Variants in CMTM7 observed in about 807,000 individuals in gnomAD.
The protein encoded by CMTM7 is CKLF-like MARVEL transmembrane domain-containing protein 7.
In CMTM7, 7 loss-of-function variants were observed where a neutral mutation model predicts 19.3. That is an observed-to-expected ratio of 0.36 (90% CI 0.21 to 0.68). The LOEUF (loss-of-function observed/expected upper bound fraction) is 0.68, where lower values mean the gene tolerates loss of function less well. Ranked by LOEUF, CMTM7 falls within the 30% of genes least tolerant of loss-of-function variation. The probability of loss-of-function intolerance (pLI) is 0.60; values close to 1 mark genes in which losing one functional copy is unlikely to be tolerated. For synonymous variants in CMTM7, 87 were observed against 99.3 expected, an observed-to-expected ratio of 0.88 and a Z score of 0.74; for missense variants, 193 against 232.6, an observed-to-expected ratio of 0.83 and a Z score of 1.11.
chr3:32,404,660 C>A (rs2343849), intron 1 of CMTM7, among the ~76,000 whole-genome samples: 24,295 of 152,234 alleles, frequency 0.16, 2,064 homozygotes, highest in East Asian at 0.28. Context: ...TATGGAAAGC[C>A]GTCTCCCACA....
At chr3:32,397,614 G>T (rs1256945391) in intron 1 of CMTM7, among the ~76,000 whole-genome samples, 1 of 151,718 alleles carries the variant, frequency 6.6e-6, no homozygotes, top group Non-Finnish European at 1.5e-5. Context: ...CACGCCTGTA[G>T]TCCCAGCTAC....
At chr3:32,404,946 A>G (rs775792654) in intron 1 of CMTM7, among the ~76,000 whole-genome samples, 1 of 152,238 alleles carries the variant, frequency 6.6e-6, no homozygotes, top group Non-Finnish European at 1.5e-5. Flanking sequence ...CCAAAGGGAG[A>G]GAGTCTCCTG....
At chr3:32,420,043 G>A (rs981780336) in intron 1 of CMTM7, among the ~76,000 whole-genome samples, 1 of 152,238 alleles carries the variant, frequency 6.6e-6, no homozygotes, top group Non-Finnish European at 1.5e-5. Flanking sequence ...TTTGAGTCCA[G>A]TAGCTAGATT....
chr3:32,446,884 C>T (rs1257792413), intron 2 of CMTM7, among the ~76,000 whole-genome samples: 1 of 152,182 alleles, frequency 6.6e-6, no homozygotes, highest in Non-Finnish European at 1.5e-5. Context: ...GATACAGGTG[C>T]CATGCTTCTT....
intron 2 of CMTM7, among the ~76,000 whole-genome samples, chr3:32,446,900 G>A (rs1486965936): frequency 6.6e-6 from 1 of 152,126 alleles, no homozygotes; most frequent in Non-Finnish European, 1.5e-5. Context: ...TTCTTGTACA[G>A]CCTACAGAAC....
At chr3:32,408,625 C>G (rs149745019) in intron 1 of CMTM7, among the ~76,000 whole-genome samples, 1 of 152,144 alleles carries the variant, frequency 6.6e-6, no homozygotes, top group Non-Finnish European at 1.5e-5. Context: ...ATGGAAAGGA[C>G]GTTCCAAAGA....
intron 1 of CMTM7, among the ~76,000 whole-genome samples, chr3:32,440,070 T>TACACACACACACACACACACAC (rs10526471): frequency 6.7e-6 from 1 of 150,064 alleles, no homozygotes; most frequent in East Asian, 2.0e-4. Flanking sequence ...ACCACACGCA[T>TACACACACACACACACACACAC]ACACACACAC....
At chr3:32,398,220 A>T (rs1695947682) in intron 1 of CMTM7, among the ~76,000 whole-genome samples, 1 of 152,230 alleles carries the variant, frequency 6.6e-6, no homozygotes, top group Non-Finnish European at 1.5e-5. Flanking sequence ...TATGCTGTTA[A>T]TCTTACGCTA....
intron 1 of CMTM7, among the ~76,000 whole-genome samples, chr3:32,392,691 G>A (rs1374947948): frequency 2.6e-5 from 4 of 152,212 alleles, no homozygotes; most frequent in Admixed American, 2.6e-4. Context: ...GGCTCTGGAG[G>A]GCAGGGGGTC....
chr3:32,441,424 A>T (rs1036011824), intron 1 of CMTM7, among the ~76,000 whole-genome samples: 3 of 152,204 alleles, frequency 2.0e-5, no homozygotes, highest in Non-Finnish European at 4.4e-5. Context: ...AAAACCATCA[A>T]ATATTGGCAA....
intron 2 of CMTM7, among the ~76,000 whole-genome samples, chr3:32,445,569 G>A (rs946610336): frequency 6.6e-6 from 1 of 152,090 alleles, no homozygotes; most frequent in Non-Finnish European, 1.5e-5. Flanking sequence ...CTGGAGTGCA[G>A]TGGTATAATT....
At chr3:32,415,515 A>G (rs1696247431) in intron 1 of CMTM7, among the ~76,000 whole-genome samples, 1 of 152,220 alleles carries the variant, frequency 6.6e-6, no homozygotes, top group Non-Finnish European at 1.5e-5. Flanking sequence ...AGGGAAACTG[A>G]GGCAGTGGAA....
At chr3:32,408,375 T>C (rs995469104) in intron 1 of CMTM7, among the ~76,000 whole-genome samples, 4 of 152,236 alleles carry the variant, frequency 2.6e-5, no homozygotes, top group African/African-American at 9.7e-5. Flanking sequence ...ACATTTAATA[T>C]TTTCTCCTTT....
intron 1 of CMTM7, among the ~76,000 whole-genome samples, chr3:32,436,275 G>C (rs1696596563): frequency 6.6e-6 from 1 of 152,190 alleles, no homozygotes; most frequent in Non-Finnish European, 1.5e-5. Context: ...GAAGCCATGG[G>C]GCAGGTTTCT....
At chr3:32,422,655 T>TC (rs1696362766) in intron 1 of CMTM7, among the ~76,000 whole-genome samples, 1 of 152,242 alleles carries the variant, frequency 6.6e-6, no homozygotes, top group African/African-American at 2.4e-5. Flanking sequence ...AAAACAGATG[T>TC]ATCAGTTAGC....
intron 1 of CMTM7, among the ~76,000 whole-genome samples, chr3:32,410,593 C>G (rs1240040649): frequency 6.6e-6 from 1 of 151,920 alleles, no homozygotes; most frequent in African/African-American, 2.4e-5. Flanking sequence ...CACATATCTT[C>G]AAGCCTGCGG....
intron 1 of CMTM7, among the ~76,000 whole-genome samples, chr3:32,425,162 G>C (rs1458506712): frequency 6.6e-6 from 1 of 152,176 alleles, no homozygotes; most frequent in East Asian, 1.9e-4. Context: ...GGGCATAATA[G>C]GGTTGTCATA....
At chr3:32,447,409 G>A (rs1696768217) in intron 2 of CMTM7, among the ~76,000 whole-genome samples, 1 of 152,076 alleles carries the variant, frequency 6.6e-6, no homozygotes, top group Admixed American at 6.6e-5. Context: ...TACTTTTGCT[G>A]GATAGAGTTT....
chr3:32,398,933 G>C (rs1023417272), intron 1 of CMTM7, among the ~76,000 whole-genome samples: 1 of 152,058 alleles, frequency 6.6e-6, no homozygotes, highest in Non-Finnish European at 1.5e-5. Context: ...AGTGGTGATC[G>C]CCACGGCACT....
Sources: gnomAD v4.1 joint callset for allele counts (sites outside exome capture counted in the v4.1 genomes callset) on GRCh38, gnomAD v4.1.1 for gene constraint, MANE v1.5 for transcripts, NCBI Gene and HGNC (gene_info 2026-07-23, HGNC 2026-07-21) for gene names.